The following GLUD1 variants were observed in gnomAD, a reference collection of about 807,000 sequenced individuals.
The protein encoded by GLUD1 is glutamate dehydrogenase 1, mitochondrial.
Under a neutral mutation model 56.0 loss-of-function variants are expected in GLUD1, and 22 were observed. That is an observed-to-expected ratio of 0.39 (90% CI 0.28 to 0.56). GLUD1 has a LOEUF of 0.56. GLUD1 is among the 20% of genes least tolerant of loss of function. The probability of loss-of-function intolerance (pLI) is 0.58; values close to 1 mark genes in which losing one functional copy is unlikely to be tolerated. For synonymous variants in GLUD1, 223 were observed against 269.9 expected, an observed-to-expected ratio of 0.83 and a Z score of 1.70; for missense variants, 451 against 732.0, an observed-to-expected ratio of 0.62 and a Z score of 4.43.
chr10:87,081,351 C>T (rs1319976133), intron 1 of GLUD1, among the ~76,000 whole-genome samples: 2 of 148,568 alleles, frequency 1.3e-5, no homozygotes, highest in African/African-American at 2.5e-5. Flanking sequence ...CCCAGCCAGC[C>T]GCCCTGTCCG....
At chr10:87,061,183 A>T (rs1426653690) in intron 6 of GLUD1, 131 bp from the exon 7 acceptor site, 1 of 888,296 alleles carries the variant, frequency 1.1e-6, no homozygotes, top group Non-Finnish European at 1.9e-6. Context: ...TGCCAAAAGA[A>T]ACAATGTACT....
intron 6 of GLUD1, 183 bp from the exon 7 acceptor site, chr10:87,061,235 G>T: frequency 1.4e-6 from 1 of 721,756 alleles, no homozygotes. Flanking sequence ...GTTTAAGAAT[G>T]TGATGAGCGG....
intron 1 of GLUD1, chr10:87,092,666 A>G: frequency 1.1e-6 from 1 of 946,510 alleles, no homozygotes; most frequent in Non-Finnish European, 1.3e-6. Context: ...TGAAGAATCG[A>G]AGAAAAAGGA....
chr10:87,085,341 C>T (rs1474075677), intron 1 of GLUD1, among the ~76,000 whole-genome samples: 1 of 125,682 alleles, frequency 8.0e-6, no homozygotes, highest in East Asian at 2.0e-4. Context: ...GAGTGAGACT[C>T]CGTCTCCAAA....
intron 1 of GLUD1, chr10:87,092,588 T>C (rs1385311692): frequency 1.8e-5 from 17 of 966,792 alleles, no homozygotes; most frequent in African/African-American, 3.5e-5. Context: ...TCACAAACTA[T>C]GGTAAACGAG....
chr10:87,081,995 A>C (rs1014496809), intron 1 of GLUD1, among the ~76,000 whole-genome samples: 2 of 151,456 alleles, frequency 1.3e-5, no homozygotes, highest in African/African-American at 4.8e-5. Flanking sequence ...TTCTTCTCCC[A>C]CACATAAATC....
chr10:87,093,235 C>T (rs1430387334), intron 1 of GLUD1, among the ~76,000 whole-genome samples: 1 of 152,242 alleles, frequency 6.6e-6, no homozygotes, highest in Non-Finnish European at 1.5e-5. Context: ...TTTACTGAGA[C>T]ATGGGTCTAG....
At chr10:87,056,345 T>C (rs1183481205) in intron 11 of GLUD1, among the ~76,000 whole-genome samples, 2 of 148,204 alleles carry the variant, frequency 1.3e-5, no homozygotes, top group South Asian at 2.1e-4. Flanking sequence ...CAGGCTGGAG[T>C]GCAGCGGTGC....
At chr10:87,079,845 T>A (rs1841158761) in intron 1 of GLUD1, among the ~76,000 whole-genome samples, 1 of 151,858 alleles carries the variant, frequency 6.6e-6, no homozygotes, top group South Asian at 2.1e-4. Flanking sequence ...TCTACATAAA[T>A]TCACAGGAAA....
At chr10:87,070,403 A>T (rs1010217169) in intron 4 of GLUD1, among the ~76,000 whole-genome samples, 5 of 152,198 alleles carry the variant, frequency 3.3e-5, no homozygotes, top group Admixed American at 6.5e-5. Flanking sequence ...GAGAGAGACC[A>T]TCCTGGCCAA....
chr10:87,063,303 C>A (rs550921196), intron 5 of GLUD1, among the ~76,000 whole-genome samples: 1 of 151,850 alleles, frequency 6.6e-6, no homozygotes, highest in Non-Finnish European at 1.5e-5. Flanking sequence ...AAACTCCTGA[C>A]CTCAAGTGAT....
intron 1 of GLUD1, among the ~76,000 whole-genome samples, chr10:87,081,746 G>A (rs1249009773): frequency 6.6e-6 from 1 of 150,888 alleles, no homozygotes; most frequent in African/African-American, 2.4e-5. Context: ...ATGCTTGAAG[G>A]CAGCATGCTC....
At chr10:87,059,035 C>G (rs1845862354) in intron 10 of GLUD1, 115 bp downstream of exon 10, 1 of 1,231,980 alleles carries the variant, frequency 8.1e-7, no homozygotes. Flanking sequence ...ATATTATTTT[C>G]TTTTCTGAGA....
At chr10:87,081,195 G>T (rs1365196927) in intron 1 of GLUD1, among the ~76,000 whole-genome samples, 3 of 56,612 alleles carry the variant, frequency 5.3e-5, no homozygotes, top group Admixed American at 3.5e-4. Context: ...GGAGGGAGGT[G>T]GGGGGGTCAG....
chr10:87,057,837 AGTAGAATC>A, intron 10 of GLUD1, 55 bp from the exon 11 acceptor site: 2 of 872,126 alleles, frequency 2.3e-6, no homozygotes, highest in Non-Finnish European at 3.8e-6. Flanking sequence ...AAAAAAAAAA[AGTAGAATC>A]AAAAGTAGTC....
Position 87,060,222 on chromosome 10 carries a change from T to C in GLUD1, c.1217A>G (p.Asn406Ser). 6.2e-7 allele frequency: 1 copy of C among 1,611,138 alleles called. No homozygotes were observed. Among genetic ancestry groups the C allele is most frequent in the Non-Finnish European group, 8.5e-7 (1 of 1,177,248 alleles). Residue 406 changes from asparagine to serine, a missense_variant, in exon 9 of 13, where the codon AAT (asparagine) becomes AGT (serine). Physicochemically the swap from Asn to Ser is conservative, Grantham distance 46. This residue lies in a region of GLUD1 where 248 missense variants were observed against 460.0 expected (regional missense o/e 0.54). Coordinates refer to ENST00000277865, the MANE Select transcript of GLUD1 (RefSeq NM_005271.5). ...GTCAGCTTCTGGAGTTGTTGGCCCA[T>C]TGGCACCTTCAGCAATGATCTGCAA... Reference protein sequence around the residue: ...VKAKIIAEGANGPTTPEADKI... With the variant: ...VKAKIIAEGASGPTTPEADKI...
chr10:87,080,018 A>G (rs1219844586), intron 1 of GLUD1, among the ~76,000 whole-genome samples: 1 of 150,318 alleles, frequency 6.7e-6, no homozygotes, highest in African/African-American at 2.5e-5. Flanking sequence ...CTGCCATCTT[A>G]GCTCACTGCA....
chr10:87,093,495 A>T (rs1841589409), intron 1 of GLUD1, among the ~76,000 whole-genome samples: 1 of 152,238 alleles, frequency 6.6e-6, no homozygotes, highest in Non-Finnish European at 1.5e-5. Context: ...AGGATAACCC[A>T]GTGACTACCA....
At chr10:87,080,101 C>T (rs1841174943) in intron 1 of GLUD1, among the ~76,000 whole-genome samples, 1 of 151,864 alleles carries the variant, frequency 6.6e-6, no homozygotes, top group African/African-American at 2.4e-5. Flanking sequence ...CCACGCCTGA[C>T]TGGTTTTCGT....
Sources: gnomAD v4.1 joint callset for allele counts (sites outside exome capture counted in the v4.1 genomes callset) on GRCh38, gnomAD v4.1.1 for gene constraint, gnomAD v4.1.1 regional missense constraint, MANE v1.5 for transcripts, NCBI Gene and HGNC (gene_info 2026-07-23, HGNC 2026-07-21) for gene names.